MDN1: variants seen among roughly 807,000 people sequenced by gnomAD.
The protein encoded by MDN1 is midasin.
In MDN1, 266 loss-of-function variants were observed where a neutral mutation model predicts 669.2. The observed-to-expected ratio is 0.40, with a 90% CI of 0.36 to 0.44. The LOEUF (loss-of-function observed/expected upper bound fraction) is 0.44, where lower values mean the gene tolerates loss of function less well. MDN1 is among the 20% of genes least tolerant of loss of function. The pLI is 1.00. For missense variants in MDN1, 5,940 were observed against 6,754.0 expected (o/e 0.88, Z 4.22); for synonymous variants, 2,385 against 2,457.1 (o/e 0.97, Z 0.87).
intron 94 of MDN1, 78 bp downstream of exon 94, chr6:89,652,914 G>T: frequency 7.0e-7 from 1 of 1,423,298 alleles, no homozygotes; most frequent in South Asian, 1.4e-5. Flanking sequence ...TAAAGACAAA[G>T]ATTTAAAACC....
intron 66 of MDN1, 28 bp downstream of exon 66, chr6:89,688,545 A>G: frequency 1.9e-6 from 3 of 1,596,002 alleles, no homozygotes; most frequent in Admixed American, 1.7e-5. Flanking sequence ...CAGTACTGTG[A>G]GCACTCCTTC....
chr6:89,673,591 A>G (rs1810981553), intron 79 of MDN1, 129 bp from the exon 80 acceptor site: 1 of 773,630 alleles, frequency 1.3e-6, no homozygotes. Flanking sequence ...GGCTAAACAC[A>G]TGCCACAAAG....
chr6:89,718,250 GT>G, intron 43 of MDN1, 115 bp downstream of exon 43: 1 of 1,178,796 alleles, frequency 8.5e-7, no homozygotes, highest in Non-Finnish European at 1.2e-6. Context: ...TTTCCCACAA[GT>G]TCTGATTGTT....
Position 89,740,309 on chromosome 6 carries a change from T to G in MDN1, c.4518A>C (p.Ile1506=), listed in dbSNP as rs1307025922. ...KGSPEDKDSE[I]ELLTAGKKFR... Reference sequence around the variant, plus strand: ...ATTTTTTCCCAGCAGTCAACAGCTCTATTTCACTATCCTTGTCCTCTGGAC... The same window carrying G: ...ATTTTTTCCCAGCAGTCAACAGCTCGATTTCACTATCCTTGTCCTCTGGAC... The change falls in exon 32 of 102, where the codon ATA becomes ATC. Residue 1506 remains isoleucine (I), a synonymous_variant. Coordinates refer to ENST00000369393, the MANE Select transcript of MDN1 (RefSeq NM_014611.3). 6.2e-7 allele frequency: 1 copy of G among 1,610,784 alleles called. No homozygotes were observed. Among genetic ancestry groups the G allele is most frequent in the Non-Finnish European group, 8.5e-7 (1 of 1,179,100 alleles).
chr6:89,697,055 T>A (rs2128308915), intron 59 of MDN1, among the ~76,000 whole-genome samples: 1 of 152,322 alleles, frequency 6.6e-6, no homozygotes, highest in South Asian at 2.1e-4. Context: ...CATACAACCC[T>A]CAGGGATCCA....
At chr6:89,730,384 C>A (rs1287329294) in intron 35 of MDN1, among the ~76,000 whole-genome samples, 1 of 152,146 alleles carries the variant, frequency 6.6e-6, no homozygotes, top group Non-Finnish European at 1.5e-5. Flanking sequence ...ACATTATAGG[C>A]TAAATAGGTC....
chr6:89,698,775 T>A, intron 59 of MDN1, 90 bp downstream of exon 59: 1 of 1,357,034 alleles, frequency 7.4e-7, no homozygotes, highest in South Asian at 1.2e-5. Flanking sequence ...TAGTCACCAC[T>A]CTATGCTAGG....
chr6:89,751,873 C>T (rs1388759046), intron 22 of MDN1, among the ~76,000 whole-genome samples: 13 of 152,134 alleles, frequency 8.5e-5, no homozygotes, highest in Admixed American at 6.5e-4. Flanking sequence ...AAAATGCCCA[C>T]TCCAATTATT....
At chr6:89,705,513 G>A (rs549519521) in intron 53 of MDN1, among the ~76,000 whole-genome samples, 9 of 151,412 alleles carry the variant, frequency 5.9e-5, no homozygotes, top group East Asian at 2.0e-4. Flanking sequence ...ACAGGTGAGC[G>A]AATAAAAAAA....
rs764933539 is a variant in MDN1 at position 89,715,676 on chromosome 6, C to T, written c.6837G>A (p.Thr2279=). The T allele has an allele frequency of 1.7e-5, 27 of 1,609,516 alleles. No individual in the cohort carries two copies. The highest frequency in any genetic ancestry group is 2.2e-5 in the South Asian group (2 of 90,976). Residue 2279 remains threonine, a synonymous_variant, in exon 45 of 102, where the codon ACG becomes ACA. Transcript: ENST00000369393. ...ACCTGAAATTGGGATTTGGTGTTATCGTGGGAGTGGATCCATCTATCATTC... is the reference window on the plus strand; with the variant it reads ...ACCTGAAATTGGGATTTGGTGTTATTGTGGGAGTGGATCCATCTATCATTC... ...ERGMIDGSTP[T]ITPNPNFRLF...
intron 13 of MDN1, among the ~76,000 whole-genome samples, chr6:89,774,323 T>A (rs1818248468): frequency 6.6e-6 from 1 of 152,228 alleles, no homozygotes; most frequent in Non-Finnish European, 1.5e-5. Context: ...CAGACTAATG[T>A]TAGACATAAG....
At chr6:89,710,438 G>C (rs911992187) in intron 50 of MDN1, among the ~76,000 whole-genome samples, 1 of 151,366 alleles carries the variant, frequency 6.6e-6, no homozygotes, top group Non-Finnish European at 1.5e-5. Context: ...GGAGACCAAA[G>C]CAAGAGGATT....
rs1812327729 is a variant in MDN1, at chr6:89,690,752, C to T, written c.10670G>A (p.Ser3557Asn). The part of the protein sequence containing the change: ...EQESGLYRYR[S>N]RNSRTALSEE... ...ACTCAGGGCTGTCCTAGAGTTCCTG[C>T]TCCTGTATCTATACAGGCCGCTTTC... The change falls in exon 64 of 102, where the codon AGC becomes AAC. Residue 3557 changes from serine (S) to asparagine (N), a missense_variant. By Grantham distance (46) the Ser-to-Asn change is conservative (BLOSUM62 1). Coordinates refer to ENST00000369393, the MANE Select transcript of MDN1 (RefSeq NM_014611.3). 6.2e-7 allele frequency: 1 copy of T among 1,614,016 alleles called. No individual in the cohort carries two copies. The highest frequency in any genetic ancestry group is 1.7e-5 in the Admixed American group (1 of 60,008).
chr6:89,647,586 A>G (rs1184578612), intron 99 of MDN1, among the ~76,000 whole-genome samples: 2 of 152,222 alleles, frequency 1.3e-5, no homozygotes, highest in Non-Finnish European at 2.9e-5. Flanking sequence ...ACCTTGTTTT[A>G]TAATGGATGC....
Position 89,715,640 on chromosome 6 carries a change from G to C in MDN1, c.6860+13C>G, listed in dbSNP as rs773543963. 1 of 1,509,526 alleles carries C rather than the reference G, an allele frequency of 6.6e-7. No homozygotes were observed. The highest frequency in any genetic ancestry group is 1.1e-5 in the South Asian group (1 of 88,904). 93.5% of individuals were successfully genotyped at this position (1,509,526 alleles called of 1,614,324 possible). On this transcript the variant is annotated intron_variant, in intron 45 of 101. Coordinates refer to ENST00000369393, the MANE Select transcript of MDN1 (RefSeq NM_014611.3). ...GTCAGATTCTGAGGCAGAAATGTAA[G>C]AGATACAAATACCTGAAATTGGGAT... is the stretch of plus-strand genomic sequence containing the variant.
At chr6:89,711,976 C>G in intron 49 of MDN1, 60 bp downstream of exon 49, 5 of 1,432,926 alleles carry the variant, frequency 3.5e-6, no homozygotes. Context: ...TGCTGAGGCA[C>G]TTAAATAGCA....
chr6:89,654,098 G>C, intron 93 of MDN1, 66 bp downstream of exon 93: 1 of 1,555,614 alleles, frequency 6.4e-7, no homozygotes, highest in Non-Finnish European at 8.8e-7. Flanking sequence ...CTAGATTATA[G>C]TGAGAGAGAA....
chr6:89,696,550 T>A lies in MDN1; in HGVS notation c.9193A>T (p.Ile3065Leu), dbSNP rs1812752316. 6.2e-7 allele frequency: 1 copy of A among 1,614,102 alleles called. No individual in the cohort carries two copies. Among genetic ancestry groups the A allele is most frequent in the East Asian group, 2.2e-5 (1 of 44,890 alleles). Residue 3065 changes from isoleucine (I) to leucine (L), a missense_variant, in exon 60 of 102, where the codon ATA becomes TTA. Physicochemically the swap from Ile to Leu is conservative, Grantham distance 5 (BLOSUM62 2). Around this residue, in one of 5 missense-constraint regions of MDN1, gnomAD observed 2,292 missense variants for 2,638.3 expected, o/e 0.87. Transcript: ENST00000369393. ...ACTTCAAAGCAGCACTTAGAGAATATGGGTCTATTGAGATTGCCGGGGCCC... is the reference window on the plus strand; with the variant it reads ...ACTTCAAAGCAGCACTTAGAGAATAAGGGTCTATTGAGATTGCCGGGGCCC... Reference protein sequence around the residue: ...LKGPGNLNRPIFSKCCFEVLT... With the variant: ...LKGPGNLNRPLFSKCCFEVLT...
chr6:89,763,206 A>G (rs1178346280), intron 15 of MDN1, among the ~76,000 whole-genome samples: 1 of 152,160 alleles, frequency 6.6e-6, no homozygotes, highest in African/African-American at 2.4e-5. Context: ...GGAAAAATAA[A>G]TATCTGAAAT....
Sources: gnomAD v4.1 joint callset for allele counts (sites outside exome capture counted in the v4.1 genomes callset) on GRCh38, gnomAD v4.1.1 for gene constraint, gnomAD v4.1.1 regional missense constraint, MANE v1.5 for transcripts, NCBI Gene and HGNC (gene_info 2026-07-23, HGNC 2026-07-21) for gene names.